VTI1A: variants seen among roughly 807,000 people sequenced by gnomAD.
The protein encoded by VTI1A is vesicle transport through interaction with t-SNAREs homolog 1A.
In VTI1A, 22 loss-of-function variants were observed where a neutral mutation model predicts 34.9. The ratio of observed to expected loss-of-function variants is 0.63; its 90% CI spans 0.45 to 0.90. The LOEUF (loss-of-function observed/expected upper bound fraction) is 0.90, where lower values mean the gene tolerates loss of function less well. VTI1A is among the 40% of genes least tolerant of loss of function. VTI1A has a pLI of 0.00. For synonymous variants in VTI1A, 87 were observed against 97.3 expected (o/e 0.89, Z 0.62); for missense variants, 268 against 275.6 (o/e 0.97, Z 0.20).
intron 5 of VTI1A, among the ~76,000 whole-genome samples, chr10:112,552,541 A>C (rs183867681): frequency 7.2e-4 from 110 of 152,184 alleles, no homozygotes; most frequent in Non-Finnish European, 1.4e-3. Flanking sequence ...CAGACATCCA[A>C]ATTTTTCATG....
chr10:112,727,945 C>T (rs577661841), intron 7 of VTI1A, among the ~76,000 whole-genome samples: 34 of 152,250 alleles, frequency 2.2e-4, no homozygotes, highest in African/African-American at 4.6e-4. Context: ...GACCGACCAA[C>T]TTAAGGAGGG....
At chr10:112,447,708 T>C (rs990508122) in intron 1 of VTI1A, among the ~76,000 whole-genome samples, 10 of 152,186 alleles carry the variant, frequency 6.6e-5, no homozygotes, top group Non-Finnish European at 1.3e-4. Flanking sequence ...CTCTACCTTC[T>C]TGTAACTTGC....
chr10:112,670,298 A>G (rs1847801990), intron 7 of VTI1A, among the ~76,000 whole-genome samples: 1 of 152,132 alleles, frequency 6.6e-6, no homozygotes, highest in South Asian at 2.1e-4. Context: ...CTTTATGTCA[A>G]TTGAGCTGTC....
At chr10:112,718,958 A>T (rs1227973581) in intron 7 of VTI1A, among the ~76,000 whole-genome samples, 2 of 152,180 alleles carry the variant, frequency 1.3e-5, no homozygotes, top group African/African-American at 4.8e-5. Context: ...GGAAAATGAG[A>T]ATTTGTGTCT....
At chr10:112,622,202 T>C (rs1442477719) in intron 5 of VTI1A, among the ~76,000 whole-genome samples, 1 of 152,190 alleles carries the variant, frequency 6.6e-6, no homozygotes, top group Non-Finnish European at 1.5e-5. Flanking sequence ...AGCCAGTCGA[T>C]ATACCTAAAA....
chr10:112,523,874 C>T (rs1279347414), intron 3 of VTI1A, among the ~76,000 whole-genome samples: 1 of 152,078 alleles, frequency 6.6e-6, no homozygotes, highest in Non-Finnish European at 1.5e-5. Context: ...CTCAAATTCT[C>T]ATGTTTGCAT....
At chr10:112,811,424 G>C (rs902040525) in intron 7 of VTI1A, among the ~76,000 whole-genome samples, 4 of 152,246 alleles carry the variant, frequency 2.6e-5, no homozygotes, top group African/African-American at 9.6e-5. Flanking sequence ...ACCGGGCGCG[G>C]TGGCTCACGC....
intron 7 of VTI1A, among the ~76,000 whole-genome samples, chr10:112,739,488 C>T (rs1564906921): frequency 6.6e-6 from 1 of 152,182 alleles, no homozygotes; most frequent in Non-Finnish European, 1.5e-5. Flanking sequence ...AATGCCACAG[C>T]TATGGTGCTC....
At chr10:112,496,946 C>A (rs1267598005) in intron 3 of VTI1A, among the ~76,000 whole-genome samples, 1 of 152,086 alleles carries the variant, frequency 6.6e-6, no homozygotes. Context: ...GCTATTCTTT[C>A]TTTGGCAATA....
At chr10:112,454,052 T>G (rs2134018272) in intron 1 of VTI1A, among the ~76,000 whole-genome samples, 1 of 152,350 alleles carries the variant, frequency 6.6e-6, no homozygotes, top group South Asian at 2.1e-4. Context: ...ATTTCAACAC[T>G]GACCATTCTA....
intron 7 of VTI1A, among the ~76,000 whole-genome samples, chr10:112,687,948 CTT>C (rs11442025): frequency 4.2e-4 from 48 of 115,538 alleles, no homozygotes; most frequent in Admixed American, 4.4e-4. Context: ...GTGACCAAGT[CTT>C]TTTTTTTTTT....
chr10:112,581,346 G>A (rs1843927968), intron 5 of VTI1A, among the ~76,000 whole-genome samples: 1 of 152,200 alleles, frequency 6.6e-6, no homozygotes, highest in Non-Finnish European at 1.5e-5. Flanking sequence ...GCCAGGCCTT[G>A]TGGTTTCCCA....
Position 112,805,308 on chromosome 10 carries a change from CAT to C in VTI1A, c.561-9981_561-9980del, listed in dbSNP as rs1336459416. On this transcript the variant is annotated intron_variant, in intron 7 of 7. Coordinates refer to ENST00000393077, the MANE Select transcript of VTI1A (RefSeq NM_145206.4). ...AAAAACTCAAAAGAAGAATTTTTGACATGTGAAAATTATACACATTCAAAATT... is the reference window on the plus strand; with the variant it reads ...AAAAACTCAAAAGAAGAATTTTTGACGTGAAAATTATACACATTCAAAATT... 2.6e-5 allele frequency among the ~76,000 whole-genome samples: 4 copies of C among 152,182 alleles called. No homozygotes were observed. In the South Asian group the frequency reaches 6.2e-4, roughly 24 times the overall value.
chr10:112,691,585 A>G (rs1564885815), intron 7 of VTI1A, among the ~76,000 whole-genome samples: 1 of 152,178 alleles, frequency 6.6e-6, no homozygotes, highest in African/African-American at 2.4e-5. Flanking sequence ...ATCACAAGTG[A>G]TATATCCAAA....
intron 5 of VTI1A, among the ~76,000 whole-genome samples, chr10:112,591,774 C>T (rs1844401401): frequency 6.6e-6 from 1 of 152,258 alleles, no homozygotes; most frequent in Admixed American, 6.5e-5. Flanking sequence ...TATGTCCATG[C>T]CTTAATCCCT....
chr10:112,473,702 C>T (rs1848181544), intron 3 of VTI1A, among the ~76,000 whole-genome samples: 1 of 152,106 alleles, frequency 6.6e-6, no homozygotes, highest in South Asian at 2.1e-4. Context: ...TACTGCGGCT[C>T]ATCAAATCAC....
rs552060012 is a variant in VTI1A at position 112,762,349 on chromosome 10, CT to C, written c.561-52931del. On this transcript the variant is annotated intron_variant, in intron 7 of 7. Coordinates refer to ENST00000393077, the MANE Select transcript of VTI1A (RefSeq NM_145206.4). The stretch of plus-strand genomic sequence containing the variant: ...AAGTTGGACAAAAGTAGGCTGAGAA[CT>C]TTTTTTTTTCTCCTGAATGGAAAGC... Among the ~76,000 whole-genome samples, 826 of 150,254 alleles carry C rather than the reference CT, an allele frequency of 5.5e-3. 8 individuals are homozygous for C. The highest frequency in any genetic ancestry group is 0.017 in the Middle Eastern group (5 of 290).
intron 1 of VTI1A, among the ~76,000 whole-genome samples, chr10:112,458,811 C>T (rs1054334716): frequency 2.0e-5 from 3 of 151,884 alleles, no homozygotes; most frequent in Non-Finnish European, 2.9e-5. Flanking sequence ...GGATTACAGG[C>T]GCCCACCACC....
At chr10:112,514,773 C>T (rs1398260886) in intron 3 of VTI1A, among the ~76,000 whole-genome samples, 1 of 151,940 alleles carries the variant, frequency 6.6e-6, no homozygotes, top group African/African-American at 2.4e-5. Context: ...TACTATTTAA[C>T]AAAATGTAGC....
Sources: gnomAD v4.1 joint callset for allele counts (sites outside exome capture counted in the v4.1 genomes callset) on GRCh38, gnomAD v4.1.1 for gene constraint, MANE v1.5 for transcripts, NCBI Gene and HGNC (gene_info 2026-07-23, HGNC 2026-07-21) for gene names.